Variants in C16orf87 observed in about 807,000 individuals in gnomAD.
C16orf87 encodes UPF0547 protein C16orf87.
C16orf87 carries 13 observed loss-of-function variants against 21.0 expected under a neutral mutation model. The ratio of observed to expected loss-of-function variants is 0.62; its 90% CI spans 0.40 to 0.98. The LOEUF is 0.98. Among genes scored for constraint, C16orf87 ranks in the 50% least tolerant of loss-of-function variants. C16orf87 has a pLI of 0.00. For missense variants in C16orf87, 113 were observed against 180.4 expected (o/e 0.63, Z 2.14); for synonymous variants, 49 against 60.2 (o/e 0.81, Z 0.86).
rs1968028948 is a variant in C16orf87 at position 46,809,691 on chromosome 16, C to A, written c.258G>T (p.Arg86Ser). 2 of 1,609,506 alleles carry A rather than the reference C, an allele frequency of 1.2e-6. No individual in the cohort carries two copies. Among genetic ancestry groups the A allele is most frequent in the African/African-American group, 1.3e-5 (1 of 74,802 alleles). ...GATCTGAATGGCTGTTACTTCGAGA[C>A]CTCTTTCTGTTTTCTAAATCTTTAT... Reference protein sequence around the residue: ...TVNKDLENRKRSRSNSHSDHI... With the variant: ...TVNKDLENRKSSRSNSHSDHI... The change falls in exon 3 of 4, where the codon AGG becomes AGT. Residue 86 changes from arginine (R) to serine (S), a missense_variant. Coordinates refer to ENST00000285697, the MANE Select transcript of C16orf87 (RefSeq NM_001001436.4).
intron 2 of C16orf87, among the ~76,000 whole-genome samples, chr16:46,815,463 A>C (rs1263371855): frequency 6.6e-6 from 1 of 152,068 alleles, no homozygotes; most frequent in Non-Finnish European, 1.5e-5. Context: ...AAAAGGCAAT[A>C]CATGGAATGG....
chr16:46,827,233 T>C (rs987160808), intron 1 of C16orf87, among the ~76,000 whole-genome samples: 1 of 152,114 alleles, frequency 6.6e-6, no homozygotes, highest in African/African-American at 2.4e-5. Context: ...CCACAACCTC[T>C]GCCCTGGAAA....
intron 2 of C16orf87, among the ~76,000 whole-genome samples, chr16:46,814,078 A>G (rs1968174425): frequency 6.6e-6 from 1 of 152,238 alleles, no homozygotes; most frequent in Non-Finnish European, 1.5e-5. Context: ...AGGAAAATAT[A>G]TCTGTGGTGC....
rs551907514 is a variant in C16orf87 at position 46,821,770 on chromosome 16, A to T, written c.163+2616T>A. Among the ~76,000 whole-genome samples, 3 of 152,004 alleles carry T rather than the reference A, an allele frequency of 2.0e-5. No homozygotes were observed. In the South Asian group the frequency reaches 6.2e-4, roughly 32 times the overall value. On this transcript the variant is annotated intron_variant, in intron 2 of 3. Coordinates refer to ENST00000285697, the MANE Select transcript of C16orf87 (RefSeq NM_001001436.4). ...CAAACTCTGCACCGCGAGCTCATCC[A>T]TTTTCCATGATGACAACTACCATCT...
At chr16:46,809,085 C>T (rs2143072508) in intron 3 of C16orf87, among the ~76,000 whole-genome samples, 1 of 150,774 alleles carries the variant, frequency 6.6e-6, no homozygotes, top group South Asian at 2.1e-4. Context: ...ATTGCTTGAG[C>T]CCAGAAGTTC....
At position 46,800,163 on chromosome 16, in the gene C16orf87, A is replaced by G. The variant is rs575775336; in HGVS notation, c.*2789T>C. 2.2e-4 allele frequency: 31 copies of G among 139,606 alleles called. No homozygotes were observed. The highest frequency in any genetic ancestry group is 7.7e-4 in the African/African-American group (30 of 38,748). The allele number at this position is 139,606 out of a possible 1,614,324, so 8.6% of individuals were successfully genotyped here. ...TGATTACTTTTAGGAAGCAACTCAG[A>G]GGTCATACTGACCTTTTTTTTTTTT... On this transcript the variant is annotated 3_prime_UTR_variant, in exon 4 of 4. Coordinates refer to ENST00000285697, the MANE Select transcript of C16orf87 (RefSeq NM_001001436.4).
intron 2 of C16orf87, among the ~76,000 whole-genome samples, chr16:46,817,590 A>G (rs1968286677): frequency 6.6e-6 from 1 of 152,104 alleles, no homozygotes; most frequent in Admixed American, 6.6e-5. Context: ...AGGGAGGCTG[A>G]GGCAGAAGAA....
chr16:46,819,649 T>C (rs1164762334), intron 2 of C16orf87, among the ~76,000 whole-genome samples: 6 of 151,928 alleles, frequency 3.9e-5, no homozygotes. Context: ...CACGCATCTC[T>C]TTCTCTCACA....
intron 2 of C16orf87, among the ~76,000 whole-genome samples, chr16:46,822,320 T>A (rs1254114310): frequency 6.6e-6 from 1 of 152,168 alleles, no homozygotes; most frequent in Admixed American, 6.5e-5. Flanking sequence ...AATAAGCACT[T>A]TGTCTCCCTA....
At chr16:46,828,665 T>C (rs936142954) in intron 1 of C16orf87, among the ~76,000 whole-genome samples, 3 of 152,228 alleles carry the variant, frequency 2.0e-5, no homozygotes, top group Non-Finnish European at 4.4e-5. Context: ...TAAGTAAATC[T>C]AGTCAACTGG....
rs756176022 is a variant in C16orf87, at chr16:46,799,828, G to A, written c.*3124C>T. On this transcript the variant is annotated 3_prime_UTR_variant, in exon 4 of 4. Transcript: ENST00000285697. The stretch of plus-strand genomic sequence containing the variant: ...AGCTAATTTTACTTTTTGTAGAGAC[G>A]CGGTCTCATCATGTTGCCCAGGCTG... 5.3e-5 allele frequency: 8 copies of A among 152,092 alleles called. No homozygotes were observed. Among genetic ancestry groups the A allele is most frequent in the Non-Finnish European group, 7.3e-5 (5 of 68,036 alleles). 9.4% of individuals were successfully genotyped at this position (152,092 alleles called of 1,614,324 possible).
rs1344970139 is a variant in C16orf87 at position 46,799,464 on chromosome 16, GAC to G, written c.*3486_*3487del. On this transcript the variant is annotated 3_prime_UTR_variant, in exon 4 of 4. Coordinates refer to ENST00000285697, the MANE Select transcript of C16orf87 (RefSeq NM_001001436.4). The stretch of plus-strand genomic sequence containing the variant: ...AACAATATGCCTTAAAGGCTAGAAA[GAC>G]AGAAAATACTAGGGAAAAAATGCTT... 1 of 152,076 alleles carries G rather than the reference GAC, an allele frequency of 6.6e-6. No homozygotes were observed. The highest frequency in any genetic ancestry group is 2.4e-5 in the African/African-American group (1 of 41,404). The allele number at this position is 152,076 out of a possible 1,614,324, so 9.4% of individuals were successfully genotyped here.
chr16:46,824,218 G>T (rs1017604737), intron 2 of C16orf87, among the ~76,000 whole-genome samples, 168 bp downstream of exon 2: 1 of 152,176 alleles, frequency 6.6e-6, no homozygotes, highest in Non-Finnish European at 1.5e-5. Flanking sequence ...TAAATGGAAT[G>T]CACATGAAAC....
chr16:46,827,591 T>TC (rs1320343977), intron 1 of C16orf87, among the ~76,000 whole-genome samples: 1 of 151,418 alleles, frequency 6.6e-6, no homozygotes, highest in Non-Finnish European at 1.5e-5. Flanking sequence ...TTATTTATCT[T>TC]TTTTTTTTGA....
At chr16:46,829,235 C>T (rs1959750420) in intron 1 of C16orf87, among the ~76,000 whole-genome samples, 2 of 152,184 alleles carry the variant, frequency 1.3e-5, no homozygotes, top group Non-Finnish European at 2.9e-5. Flanking sequence ...AGAGAGCCCT[C>T]ACCAGAACAT....
chr16:46,829,355 A>G (rs1351426952), intron 1 of C16orf87, among the ~76,000 whole-genome samples: 1 of 152,234 alleles, frequency 6.6e-6, no homozygotes, highest in East Asian at 1.9e-4. Context: ...TCCAAATAAA[A>G]CGCTGATCTT....
intron 3 of C16orf87, among the ~76,000 whole-genome samples, chr16:46,806,319 G>A (rs1009874061): frequency 2.7e-5 from 4 of 147,052 alleles, no homozygotes; most frequent in African/African-American, 1.0e-4. Flanking sequence ...GCACAGTGAC[G>A]CGATCTCAGC....
intron 2 of C16orf87, among the ~76,000 whole-genome samples, chr16:46,818,206 C>G (rs1959274209): frequency 1.3e-5 from 2 of 152,122 alleles, no homozygotes; most frequent in African/African-American, 4.8e-5. Context: ...TTCTGAATAA[C>G]AGAACCAAAC....
chr16:46,811,169 G>C (rs1045083403), intron 2 of C16orf87, among the ~76,000 whole-genome samples: 3 of 152,104 alleles, frequency 2.0e-5, no homozygotes, highest in African/African-American at 7.2e-5. Context: ...ATGAACTAAA[G>C]GTTCTAAGCA....
Sources: gnomAD v4.1 joint callset for allele counts (sites outside exome capture counted in the v4.1 genomes callset) on GRCh38, gnomAD v4.1.1 for gene constraint, MANE v1.5 for transcripts, NCBI Gene and HGNC (gene_info 2026-07-23, HGNC 2026-07-21) for gene names.